LSS: variants seen among roughly 807,000 people sequenced by gnomAD.
LSS encodes lanosterol synthase.
Under a neutral mutation model 110.3 loss-of-function variants are expected in LSS, and 90 were observed. That is an observed-to-expected ratio of 0.82 (90% CI 0.69 to 0.97). The LOEUF (loss-of-function observed/expected upper bound fraction) is 0.97, where lower values mean the gene tolerates loss of function less well. Among genes scored for constraint, LSS ranks in the 50% least tolerant of loss-of-function variants. The pLI is 0.00. For synonymous variants in LSS, 433 were observed against 400.0 expected (o/e 1.08, Z -0.98); for missense variants, 927 against 990.0 (o/e 0.94, Z 0.85).
Position 46,209,543 on chromosome 21 carries a change from A to C in LSS, c.1266+11T>G. 6.3e-7 allele frequency: 1 copy of C among 1,598,872 alleles called. No homozygotes were observed. On this transcript the variant is annotated intron_variant, in intron 13 of 21. Coordinates refer to ENST00000397728, the MANE Select transcript of LSS (RefSeq NM_002340.6). This position sits in a 1 kb window ranked among gnomAD's most constrained non-coding sequence, Gnocchi z 4.4. ...CTTCAGCCCCCTCAGAGCCCCAGGC[A>C]CCGGCCTCACCTGTGAGAGCCTCAG...
At chr21:46,223,136 T>C (rs1189428364) in intron 3 of LSS, among the ~76,000 whole-genome samples, 1 of 152,262 alleles carries the variant, frequency 6.6e-6, no homozygotes, top group East Asian at 1.9e-4. Context: ...CTTTAACATC[T>C]GCTGGGAAGA....
At position 46,216,793 on chromosome 21, in the gene LSS, C is replaced by T. The variant is rs74354197; in HGVS notation, c.648-269G>A. 0.015 allele frequency among the ~76,000 whole-genome samples: 2,344 copies of T among 152,190 alleles called. 59 individuals carry two copies. The highest frequency in any genetic ancestry group is 0.054 in the African/African-American group (2,231 of 41,490). ...GAGCTCCTAAATGCTTAGGATTGTC[C>T]GTGGGTTTCTTAGCTACAACAAACG... On this transcript the variant is annotated intron_variant, in intron 6 of 21. Coordinates refer to ENST00000397728, the MANE Select transcript of LSS (RefSeq NM_002340.6). The surrounding 1 kb of genome is among the most constrained non-coding windows in gnomAD (Gnocchi z 4.2).
Position 46,213,751 on chromosome 21 carries a change from G to A in LSS, c.1096C>T (p.Pro366Ser). 1 of 1,613,866 alleles carries A rather than the reference G, an allele frequency of 6.2e-7. No homozygotes were observed. The highest frequency in any genetic ancestry group is 8.5e-7 in the Non-Finnish European group (1 of 1,179,894). The change falls in exon 10 of 22, where the codon CCG becomes TCG. Residue 366 changes from proline to serine, a missense_variant. Coordinates refer to ENST00000397728, the MANE Select transcript of LSS (RefSeq NM_002340.6). ...AGCCACACTCACCAGAGATAGTCCG[G>A]GATTCTGGAGACATGCTCCTGGAAG... is the stretch of plus-strand genomic sequence containing the variant. ...TAFQEHVSRI[P>S]DYLWMGLDGM...
In LSS at chr21:46,190,671, C is replaced by A; in HGVS notation, c.*433G>T. 5.5e-6 allele frequency: 1 copy of A among 181,884 alleles called. No individual in the cohort carries two copies. Among genetic ancestry groups the A allele is most frequent in the East Asian group, 1.5e-4 (1 of 6,828 alleles). 11.3% of individuals were successfully genotyped at this position (181,884 alleles called of 1,614,324 possible). ...CCCTCAGCCCAGCAGACAAAAGGTG[C>A]AGGAGAAGCCTGCCCAGGGCCGACC... On this transcript the variant is annotated 3_prime_UTR_variant, in exon 22 of 22. Coordinates refer to ENST00000397728, the MANE Select transcript of LSS (RefSeq NM_002340.6). The surrounding 1 kb of genome is among the most constrained non-coding windows in gnomAD (Gnocchi z 4.6).
At chr21:46,225,498 C>T (rs56311506) in intron 3 of LSS, 15,481 of 424,718 alleles carry the variant, frequency 0.036, 964 homozygotes, top group African/African-American at 0.17. Flanking sequence ...ACTCCTCCAC[C>T]TCTTGTGGAC....
chr21:46,216,397 G>A lies in LSS; in HGVS notation c.775C>T (p.Leu259Phe). The A allele has an allele frequency of 6.2e-7, 1 of 1,613,832 alleles. No individual in the cohort carries two copies. The highest frequency in any genetic ancestry group is 2.2e-5 in the East Asian group (1 of 44,874). The change falls in exon 7 of 22, where the codon CTC becomes TTC. Residue 259 changes from leucine (L) to phenylalanine (F), a missense_variant. Coordinates refer to ENST00000397728, the MANE Select transcript of LSS (RefSeq NM_002340.6). The surrounding 1 kb of genome is among the most constrained non-coding windows in gnomAD (Gnocchi z 4.2). ...CCCTGATGAGGTCCTACCTGGCGGA[G>A]GCTCTGGACCAGCGGGTCTTCCGCG... is the stretch of plus-strand genomic sequence containing the variant. Reference protein sequence around the residue: ...SAAEDPLVQSLRQELYVEDFA... With the variant: ...SAAEDPLVQSFRQELYVEDFA...
At chr21:46,202,005 A>G (rs1286486859) in intron 17 of LSS, among the ~76,000 whole-genome samples, 1 of 150,524 alleles carries the variant, frequency 6.6e-6, no homozygotes, top group East Asian at 2.1e-4. Flanking sequence ...CGTGTTAGCC[A>G]GGATGGTCTC....
chr21:46,203,659 G>A (rs4819215), intron 17 of LSS, among the ~76,000 whole-genome samples: 65,871 of 152,124 alleles, frequency 0.43, 14,435 homozygotes, highest in Admixed American at 0.48. Flanking sequence ...GCACATGGCC[G>A]AGGGCCACGC....
Position 46,218,278 on chromosome 21 carries a change from G to A in LSS, c.647+1198C>T, listed in dbSNP as rs182316785. 2.4e-3 allele frequency among the ~76,000 whole-genome samples: 370 copies of A among 152,238 alleles called. 1 individual carries two copies. Among genetic ancestry groups the A allele is most frequent in the African/African-American group, 8.4e-3 (348 of 41,536 alleles). On this transcript the variant is annotated intron_variant, in intron 6 of 21. Transcript: ENST00000397728. ...CATAACGGGGTAAACTCATATGCACGAGTGTTTTCTGGGGAGATGTCCACT... is the reference window on the plus strand; with the variant it reads ...CATAACGGGGTAAACTCATATGCACAAGTGTTTTCTGGGGAGATGTCCACT...
At chr21:46,210,861 G>A (rs534515754) in intron 11 of LSS, 117 bp from the exon 12 acceptor site, 19 of 935,806 alleles carry the variant, frequency 2.0e-5, no homozygotes, top group Admixed American at 1.6e-4. Flanking sequence ...CCCAGCCAAC[G>A]CTCAGCCTCA....
chr21:46,192,516 G>T (rs1236932911), intron 20 of LSS: 2 of 455,484 alleles, frequency 4.4e-6, no homozygotes, highest in Non-Finnish European at 4.4e-6. Context: ...GGGTGCATCT[G>T]TATGTATGTG....
chr21:46,219,257 T>C (rs952731647), intron 6 of LSS, among the ~76,000 whole-genome samples: 2 of 152,182 alleles, frequency 1.3e-5, no homozygotes, highest in Non-Finnish European at 2.9e-5. Context: ...CCTCCATCCA[T>C]GGCACAGCCT....
Position 46,213,060 on chromosome 21 carries a change from G to A in LSS, c.1110-8C>T, listed in dbSNP as rs2080154463. 6.2e-7 allele frequency: 1 copy of A among 1,613,386 alleles called. No homozygotes were observed. The highest frequency in any genetic ancestry group is 8.5e-7 in the Non-Finnish European group (1 of 1,179,976). ...ATGCCGTCAAGGCCCATCCTGTGAG[G>A]AGAAAAAAGCCCAAGTCAGGTGCAA... On this transcript the variant is annotated splice_polypyrimidine_tract_variant and splice_region_variant and intron_variant, in intron 10 of 21. Transcript: ENST00000397728.
In LSS at chr21:46,191,764, C is replaced by T. The variant is rs769432457; in HGVS notation, c.2067+117G>A. The T allele has an allele frequency of 1.1e-4, 90 of 825,508 alleles. 1 individual carries two copies. The highest frequency in any genetic ancestry group is 1.7e-4 in the Non-Finnish European group (84 of 502,726). The allele number at this position is 825,508 out of a possible 1,614,324, so 51.1% of individuals were successfully genotyped here. A position where few individuals can be genotyped will look rare whatever the true frequency, so the allele number is the denominator to read the frequency against. Reference sequence around the variant, plus strand: ...CTGTGGCATTCACTGGCAGAGGTGACGCCTCCCAAGTGTCCAAAGTACCCC... The same window carrying T: ...CTGTGGCATTCACTGGCAGAGGTGATGCCTCCCAAGTGTCCAAAGTACCCC... On this transcript the variant is annotated intron_variant, in intron 21 of 21. Coordinates refer to ENST00000397728, the MANE Select transcript of LSS (RefSeq NM_002340.6).
At chr21:46,193,714 G>T (rs1395592344) in intron 20 of LSS, 1 of 451,928 alleles carries the variant, frequency 2.2e-6, no homozygotes, top group Non-Finnish European at 4.4e-6. Context: ...GTACACAGGT[G>T]CCTGTGCATG....
rs144604126 is a variant in LSS, at chr21:46,190,357, C to A, written c.*747G>T. The A allele has an allele frequency of 3.9e-4, 62 of 157,964 alleles. No individual in the cohort carries two copies. Among genetic ancestry groups the A allele is most frequent in the South Asian group, 7.2e-4 (4 of 5,564 alleles). 9.8% of individuals were successfully genotyped at this position (157,964 alleles called of 1,614,324 possible). On this transcript the variant is annotated 3_prime_UTR_variant, in exon 22 of 22. Coordinates refer to ENST00000397728, the MANE Select transcript of LSS (RefSeq NM_002340.6). The surrounding 1 kb of genome is among the most constrained non-coding windows in gnomAD (Gnocchi z 4.6). ...CGCAGGTGGGTTCATGTCCCAGGGG[C>A]ATGGGGCTCCCTGCTGCACAGACTT...
chr21:46,194,496 G>C lies in LSS; in HGVS notation c.1983C>G (p.Ala661=), dbSNP rs146078696. 6.2e-7 allele frequency: 1 copy of C among 1,613,380 alleles called. No individual in the cohort carries two copies. The highest frequency in any genetic ancestry group is 8.5e-7 in the Non-Finnish European group (1 of 1,180,016). ...GACGGTCCCGTCGTCCCCACCGAACGGCCATCAGCCCCATCATGGCCCAGC... is the reference window on the plus strand; with the variant it reads ...GACGGTCCCGTCGTCCCCACCGAACCGCCATCAGCCCCATCATGGCCCAGC... ...NTCWAMMGLM[A]VRHPDIEAQE... is the part of the protein sequence containing the mutation. The change falls in exon 20 of 22, where the codon GCC becomes GCG. Residue 661 remains alanine (A), a synonymous_variant. Transcript: ENST00000397728.
intron 18 of LSS, 136 bp downstream of exon 18, chr21:46,196,066 C>T: frequency 1.1e-6 from 1 of 872,696 alleles, no homozygotes. Context: ...CCCCAGAAGT[C>T]ACGGGCTGGC....
At chr21:46,211,935 C>T (rs1306837800) in intron 11 of LSS, among the ~76,000 whole-genome samples, 4 of 152,190 alleles carry the variant, frequency 2.6e-5, no homozygotes, top group African/African-American at 9.7e-5. Context: ...GTGAGGACTA[C>T]ACTCAGGAAC....
Sources: gnomAD v4.1 joint callset for allele counts (sites outside exome capture counted in the v4.1 genomes callset) on GRCh38, gnomAD v4.1.1 for gene constraint, Gnocchi (gnomAD v3.1) non-coding constraint, MANE v1.5 for transcripts, NCBI Gene and HGNC (gene_info 2026-07-23, HGNC 2026-07-21) for gene names.